FGD4: variants seen among roughly 807,000 people sequenced by gnomAD.
FGD4 encodes the protein FYVE, RhoGEF and PH domain-containing protein 4.
A neutral mutation model predicts 102.0 loss-of-function variants in FGD4; 42 were observed. That is an observed-to-expected ratio of 0.41 (90% CI 0.32 to 0.53). FGD4 has a LOEUF of 0.53. Ranked by LOEUF, FGD4 falls within the 20% of genes least tolerant of loss-of-function variation. The pLI, the probability that FGD4 is intolerant of heterozygous loss-of-function variation, is 0.21. For synonymous variants in FGD4, 380 were observed against 375.7 expected (o/e 1.01, Z -0.13); for missense variants, 902 against 1,078.2 (o/e 0.84, Z 2.29).
chr12:32,477,492 G>T (rs1413788960), intron 1 of FGD4: 2 of 152,320 alleles, frequency 1.3e-5, no homozygotes, highest in Non-Finnish European at 2.9e-5. Flanking sequence ...AATTTTAAAT[G>T]GTGTATTTCA....
At chr12:32,532,262 A>G (rs1941877809) in intron 1 of FGD4, among the ~76,000 whole-genome samples, 1 of 152,192 alleles carries the variant, frequency 6.6e-6, no homozygotes, top group African/African-American at 2.4e-5. Flanking sequence ...TCAAAATATT[A>G]TATGTAATAT....
chr12:32,542,163 G>A (rs199880885), intron 1 of FGD4, among the ~76,000 whole-genome samples: 1 of 121,380 alleles, frequency 8.2e-6, no homozygotes, highest in Admixed American at 8.1e-5. Flanking sequence ...CAGGTTGAAT[G>A]AGCAGTGTTG....
chr12:32,515,737 A>T (rs1164312231), intron 1 of FGD4, among the ~76,000 whole-genome samples: 1 of 152,198 alleles, frequency 6.6e-6, no homozygotes, highest in African/African-American at 2.4e-5. Flanking sequence ...TGAACTGCCT[A>T]TACCTCCTTT....
chr12:32,474,798 G>A (rs371317894), intron 1 of FGD4, among the ~76,000 whole-genome samples: 1 of 152,184 alleles, frequency 6.6e-6, no homozygotes, highest in Admixed American at 6.5e-5. Context: ...CCAGCTACTC[G>A]GAGGCTGAGG....
chr12:32,492,647 C>CA (rs1252781423), intron 1 of FGD4, among the ~76,000 whole-genome samples: 2 of 152,036 alleles, frequency 1.3e-5, no homozygotes, highest in African/African-American at 4.8e-5. Context: ...GCTTTATAAA[C>CA]ATAATATATT....
chr12:32,546,543 C>T (rs1943236031), intron 1 of FGD4, among the ~76,000 whole-genome samples: 1 of 152,224 alleles, frequency 6.6e-6, no homozygotes, highest in Admixed American at 6.5e-5. Context: ...TTTAGGGATG[C>T]CAAAGGTGAA....
In FGD4 at chr12:32,624,584, T is replaced by A. The variant is rs146940508; in HGVS notation, c.1953+132T>A. On this transcript the variant is annotated intron_variant, in intron 12 of 16. Coordinates refer to ENST00000534526, the MANE Select transcript of FGD4 (RefSeq NM_001370298.3). ...TGTCTGGGCTCAAGCAAGCCTTGCA[T>A]CTCAGCCTCTTGAGTAGCTGGGACT... The A allele has an allele frequency of 3.2e-4, 249 of 779,740 alleles. 1 individual carries two copies. The African/African-American group carries it at 3.7e-3, about 12-fold the overall frequency. The allele number at this position is 779,740 out of a possible 1,614,324, so 48.3% of individuals were successfully genotyped here. A position where few individuals can be genotyped will look rare whatever the true frequency, so the allele number is the denominator to read the frequency against.
intron 1 of FGD4, among the ~76,000 whole-genome samples, chr12:32,558,783 A>C (rs1400833930): frequency 6.6e-6 from 1 of 152,252 alleles, no homozygotes; most frequent in African/African-American, 2.4e-5. Context: ...TATATCAGTC[A>C]ACAGTGAGGC....
At chr12:32,404,650 G>A (rs1039387384) in intron 1 of FGD4, among the ~76,000 whole-genome samples, 3 of 152,044 alleles carry the variant, frequency 2.0e-5, no homozygotes, top group Non-Finnish European at 2.9e-5. Flanking sequence ...GTGGCCCAAC[G>A]TAAAGCAATA....
At chr12:32,547,855 C>A (rs541922564) in intron 1 of FGD4, among the ~76,000 whole-genome samples, 1 of 152,038 alleles carries the variant, frequency 6.6e-6, no homozygotes, top group African/African-American at 2.4e-5. Flanking sequence ...TATAGGTACC[C>A]GCCACCACAC....
At chr12:32,529,157 C>G (rs1941549671) in intron 1 of FGD4, among the ~76,000 whole-genome samples, 1 of 152,130 alleles carries the variant, frequency 6.6e-6, no homozygotes, top group Non-Finnish European at 1.5e-5. Flanking sequence ...ACTCTGTCCC[C>G]AGGCTGGAGT....
chr12:32,424,463 T>G (rs958375981), intron 1 of FGD4, among the ~76,000 whole-genome samples: 3 of 152,222 alleles, frequency 2.0e-5, no homozygotes, highest in Admixed American at 2.0e-4. Context: ...CTTTATCCAG[T>G]CTATCATTGA....
intron 6 of FGD4, 114 bp from the exon 7 acceptor site, chr12:32,602,047 C>T (rs1021924118): frequency 1.9e-5 from 17 of 896,244 alleles, no homozygotes; most frequent in Admixed American, 8.4e-5. Context: ...CCTGGGAGGT[C>T]GAGGTTGCAG....
chr12:32,591,925 G>A (rs1407129174), intron 4 of FGD4, among the ~76,000 whole-genome samples: 1 of 152,134 alleles, frequency 6.6e-6, no homozygotes. Flanking sequence ...AAAGTTAATT[G>A]CATACTCTGT....
intron 14 of FGD4, among the ~76,000 whole-genome samples, chr12:32,633,227 G>A (rs1464605101): frequency 2.0e-5 from 3 of 148,682 alleles, no homozygotes; most frequent in Non-Finnish European, 3.0e-5. Flanking sequence ...GGAGGAGGGG[G>A]TGGGATGGGC....
chr12:32,447,729 G>A (rs1193065897), intron 1 of FGD4, among the ~76,000 whole-genome samples: 1 of 152,198 alleles, frequency 6.6e-6, no homozygotes, highest in African/African-American at 2.4e-5. Flanking sequence ...AATTAGAGAA[G>A]TGTAACTTGG....
chr12:32,480,755 C>T (rs1028738024), intron 1 of FGD4, among the ~76,000 whole-genome samples: 21 of 150,206 alleles, frequency 1.4e-4, no homozygotes, highest in East Asian at 2.0e-4. Flanking sequence ...CTCCTTGGCC[C>T]CCCAAAGTGC....
At chr12:32,450,376 A>AT (rs145027623) in intron 1 of FGD4, among the ~76,000 whole-genome samples, 3,208 of 151,960 alleles carry the variant, frequency 0.021, 57 homozygotes, top group African/African-American at 0.052. Context: ...CAGGCCACCT[A>AT]TTTTTTTTAT....
chr12:32,414,066 G>T (rs935214797), intron 1 of FGD4, among the ~76,000 whole-genome samples: 1 of 151,308 alleles, frequency 6.6e-6, no homozygotes, highest in Admixed American at 6.6e-5. Context: ...CCACTTCCTG[G>T]GTTCAAGGGA....
Sources: allele counts gnomAD v4.1 joint callset (sites outside exome capture counted in the v4.1 genomes callset), GRCh38; gene constraint gnomAD v4.1.1; transcripts MANE v1.5; gene names NCBI Gene and HGNC (gene_info 2026-07-23, HGNC 2026-07-21).